The following ROBO1 variants were observed in gnomAD, a reference collection of about 807,000 sequenced individuals.
ROBO1 encodes the protein roundabout homolog 1.
Under a neutral mutation model 195.9 loss-of-function variants are expected in ROBO1, and 149 were observed. The ratio of observed to expected loss-of-function variants is 0.76; its 90% CI spans 0.67 to 0.87. The LOEUF (loss-of-function observed/expected upper bound fraction) is 0.87, where lower values mean the gene tolerates loss of function less well. Among genes scored for constraint, ROBO1 ranks in the 40% least tolerant of loss-of-function variants. ROBO1 has a pLI of 0.00. For synonymous variants in ROBO1, 816 were observed against 733.2 expected (o/e 1.11, Z -1.82); for missense variants, 1,933 against 2,068.3 (o/e 0.93, Z 1.27).
intron 2 of ROBO1, among the ~76,000 whole-genome samples, chr3:79,353,986 A>C (rs1356259147): frequency 6.6e-6 from 1 of 152,034 alleles, no homozygotes; most frequent in African/African-American, 2.4e-5. Context: ...TGGAGGTTGC[A>C]GTCAGCTGAG....
chr3:79,126,841 C>T (rs2080224883), intron 2 of ROBO1, among the ~76,000 whole-genome samples: 1 of 151,960 alleles, frequency 6.6e-6, no homozygotes, highest in Non-Finnish European at 1.5e-5. Context: ...TTGTCTTAGA[C>T]ACAGCTATTC....
At chr3:79,482,828 T>C (rs926970191) in intron 2 of ROBO1, among the ~76,000 whole-genome samples, 3 of 152,146 alleles carry the variant, frequency 2.0e-5, no homozygotes, top group Admixed American at 6.5e-5. Context: ...GGATATAATA[T>C]TTATGTCTAT....
chr3:78,714,535 A>C lies in ROBO1; in HGVS notation c.918-11T>G, dbSNP rs1295857951. ...TCTCGGATTTCATATCTAATGACAT[A>C]ACAAAAGAAAGCACAGTTAAGTGAC... is the stretch of plus-strand genomic sequence containing the variant. On this transcript the variant is annotated splice_polypyrimidine_tract_variant and intron_variant, in intron 7 of 30. Coordinates refer to ENST00000464233, the MANE Select transcript of ROBO1 (RefSeq NM_002941.4). 4 of 1,606,496 alleles carry C rather than the reference A, an allele frequency of 2.5e-6. No homozygotes were observed. Among genetic ancestry groups the C allele is most frequent in the Non-Finnish European group, 3.4e-6 (4 of 1,176,856 alleles).
chr3:79,457,377 A>G (rs889533052), intron 2 of ROBO1, among the ~76,000 whole-genome samples: 3 of 151,732 alleles, frequency 2.0e-5, no homozygotes, highest in Admixed American at 1.3e-4. Flanking sequence ...AGATGAATGA[A>G]ACACTGTGTG....
chr3:79,370,770 C>A (rs1394098234), intron 2 of ROBO1, among the ~76,000 whole-genome samples: 1 of 151,750 alleles, frequency 6.6e-6, no homozygotes, highest in Non-Finnish European at 1.5e-5. Context: ...CTACACCTAC[C>A]ACCCCATCAT....
chr3:78,743,025 G>T (rs1418440400), intron 5 of ROBO1, among the ~76,000 whole-genome samples: 1 of 152,160 alleles, frequency 6.6e-6, no homozygotes, highest in Non-Finnish European at 1.5e-5. Flanking sequence ...TTATTATAGT[G>T]ATTTTAAATG....
intron 2 of ROBO1, among the ~76,000 whole-genome samples, chr3:79,378,201 T>TTCTCTCTC (rs979258211): frequency 6.7e-6 from 1 of 149,366 alleles, no homozygotes. Flanking sequence ...CTCTCTCTCT[T>TTCTCTCTC]TCTCTCTCTC....
At chr3:78,792,805 G>A (rs2084061296) in intron 4 of ROBO1, among the ~76,000 whole-genome samples, 1 of 151,628 alleles carries the variant, frequency 6.6e-6, no homozygotes, top group Admixed American at 6.6e-5. Context: ...TTTCTATATT[G>A]GAAACAGTCT....
chr3:79,637,672 T>C (rs1945536269), intron 1 of ROBO1, among the ~76,000 whole-genome samples: 1 of 152,092 alleles, frequency 6.6e-6, no homozygotes, highest in South Asian at 2.1e-4. Flanking sequence ...TTATATAAGA[T>C]ATATATAAAG....
chr3:78,778,703 A>G (rs993114005), intron 4 of ROBO1, among the ~76,000 whole-genome samples: 2 of 152,192 alleles, frequency 1.3e-5, no homozygotes, highest in African/African-American at 4.8e-5. Context: ...AAAGTAATTT[A>G]TAGATTCAAC....
chr3:79,300,077 C>G (rs2032824365), intron 2 of ROBO1, among the ~76,000 whole-genome samples: 1 of 152,224 alleles, frequency 6.6e-6, no homozygotes, highest in Non-Finnish European at 1.5e-5. Flanking sequence ...TCAGCCCTCG[C>G]TCGCTCTGGG....
At chr3:79,251,457 A>C (rs1328926361) in intron 2 of ROBO1, among the ~76,000 whole-genome samples, 1 of 152,150 alleles carries the variant, frequency 6.6e-6, no homozygotes, top group African/African-American at 2.4e-5. Context: ...TTGCATTAAA[A>C]ATTTAGGTGA....
chr3:79,711,586 C>T (rs1056797529), intron 1 of ROBO1, among the ~76,000 whole-genome samples: 2 of 151,986 alleles, frequency 1.3e-5, no homozygotes, highest in Non-Finnish European at 2.9e-5. Flanking sequence ...ATTAACAATA[C>T]TGATAATGTG....
intron 3 of ROBO1, among the ~76,000 whole-genome samples, chr3:78,941,104 T>C (rs892691253): frequency 6.6e-6 from 1 of 152,242 alleles, no homozygotes; most frequent in Non-Finnish European, 1.5e-5. Flanking sequence ...AATATATTAA[T>C]GAATAATGAA....
intron 1 of ROBO1, among the ~76,000 whole-genome samples, chr3:79,607,066 C>T (rs556547382): frequency 1.0e-4 from 15 of 145,480 alleles, no homozygotes; most frequent in Admixed American, 6.3e-4. Flanking sequence ...TATTGCTTTT[C>T]TATTTTTCAA....
chr3:79,554,353 T>C (rs1368787067), intron 2 of ROBO1, among the ~76,000 whole-genome samples: 2 of 151,978 alleles, frequency 1.3e-5, no homozygotes, highest in Non-Finnish European at 2.9e-5. Flanking sequence ...GCATTAAGTA[T>C]CATAAGCAAA....
intron 5 of ROBO1, among the ~76,000 whole-genome samples, chr3:78,742,295 CAG>C (rs1350971426): frequency 1.3e-5 from 2 of 151,944 alleles, no homozygotes; most frequent in Non-Finnish European, 2.9e-5. Context: ...ACATTAACAA[CAG>C]AGATGAAAAC....
chr3:79,576,463 T>A (rs1484921302), intron 2 of ROBO1, among the ~76,000 whole-genome samples: 2 of 152,068 alleles, frequency 1.3e-5, no homozygotes, highest in African/African-American at 4.8e-5. Context: ...CAGGACATTG[T>A]ATTAGATACT....
chr3:79,239,469 A>T (rs2082472771), intron 2 of ROBO1, among the ~76,000 whole-genome samples: 1 of 152,200 alleles, frequency 6.6e-6, no homozygotes, highest in Non-Finnish European at 1.5e-5. Flanking sequence ...AGTTCTAAAC[A>T]TACGCTTCTA....
Sources: allele counts gnomAD v4.1 joint callset (sites outside exome capture counted in the v4.1 genomes callset), GRCh38; gene constraint gnomAD v4.1.1; transcripts MANE v1.5; gene names NCBI Gene and HGNC (gene_info 2026-07-23, HGNC 2026-07-21).